GRIP1: variants seen among roughly 807,000 people sequenced by gnomAD.
GRIP1 encodes the protein glutamate receptor interacting protein 1.
Under a neutral mutation model 129.9 loss-of-function variants are expected in GRIP1, and 45 were observed. The observed-to-expected ratio is 0.35, with a 90% CI of 0.27 to 0.44. GRIP1 has a LOEUF of 0.44. Ranked by LOEUF, GRIP1 falls within the 20% of genes least tolerant of loss-of-function variation. The probability of loss-of-function intolerance (pLI) is 1.00; values close to 1 mark genes in which losing one functional copy is unlikely to be tolerated. For synonymous variants in GRIP1, 530 were observed against 520.8 expected (o/e 1.02, Z -0.24); for missense variants, 1,196 against 1,396.8 (o/e 0.86, Z 2.29).
chr12:66,737,442 C>A (rs890289896), intron 1 of GRIP1, among the ~76,000 whole-genome samples: 1 of 152,092 alleles, frequency 6.6e-6, no homozygotes, highest in South Asian at 2.1e-4. Context: ...TGCCACCATA[C>A]CCAGATAATT....
intron 1 of GRIP1, among the ~76,000 whole-genome samples, chr12:67,034,889 G>C (rs989073364): frequency 1.3e-5 from 2 of 152,166 alleles, no homozygotes; most frequent in Non-Finnish European, 2.9e-5. Flanking sequence ...ACCTTTGCCG[G>C]TTTGGGTAAT....
intron 1 of GRIP1, among the ~76,000 whole-genome samples, chr12:66,637,327 A>G (rs965319472): frequency 1.3e-5 from 2 of 152,110 alleles, no homozygotes; most frequent in African/African-American, 4.8e-5. Flanking sequence ...GGGGCTTAAC[A>G]TGGTTACCAA....
At chr12:66,797,603 T>G (rs1280603562) in intron 1 of GRIP1, among the ~76,000 whole-genome samples, 2 of 152,214 alleles carry the variant, frequency 1.3e-5, no homozygotes, top group African/African-American at 4.8e-5. Flanking sequence ...CGGTGGCATT[T>G]ATTACTATCA....
intron 1 of GRIP1, among the ~76,000 whole-genome samples, chr12:67,038,730 G>A (rs984003446): frequency 6.6e-6 from 1 of 152,172 alleles, no homozygotes; most frequent in African/African-American, 2.4e-5. Flanking sequence ...TCAGGCATCT[G>A]CCCATTCCAT....
chr12:66,605,692 G>A (rs1293112959), intron 1 of GRIP1, among the ~76,000 whole-genome samples: 1 of 152,162 alleles, frequency 6.6e-6, no homozygotes, highest in Non-Finnish European at 1.5e-5. Flanking sequence ...ACCTGGTTCA[G>A]TGGCTCACTA....
chr12:66,891,222 A>G (rs755703517), intron 1 of GRIP1, among the ~76,000 whole-genome samples: 1 of 152,288 alleles, frequency 6.6e-6, no homozygotes, highest in East Asian at 1.9e-4. Context: ...CATTTTGGAG[A>G]TAATGTCAAG....
chr12:66,589,752 A>C (rs1486558168), intron 2 of GRIP1, among the ~76,000 whole-genome samples: 4 of 152,198 alleles, frequency 2.6e-5, no homozygotes, highest in Non-Finnish European at 5.9e-5. Flanking sequence ...ATATATAACA[A>C]AAATCATGAG....
At chr12:66,719,280 GGA>G (rs1307639345) in intron 1 of GRIP1, among the ~76,000 whole-genome samples, 1 of 152,136 alleles carries the variant, frequency 6.6e-6, no homozygotes, top group East Asian at 1.9e-4. Context: ...AAATTCCCAT[GGA>G]GGAAGAATTT....
At chr12:66,437,475 G>C (rs1190933672) in intron 13 of GRIP1, among the ~76,000 whole-genome samples, 3 of 152,188 alleles carry the variant, frequency 2.0e-5, no homozygotes, top group African/African-American at 7.2e-5. Context: ...CCATCTATTT[G>C]AAGTGGGTTA....
At chr12:66,948,658 G>A (rs1208538293) in intron 1 of GRIP1, among the ~76,000 whole-genome samples, 1 of 152,130 alleles carries the variant, frequency 6.6e-6, no homozygotes, top group Non-Finnish European at 1.5e-5. Context: ...CATGAGGCAA[G>A]GAAGGACTAA....
chr12:66,922,732 T>TC (rs2041233580), intron 1 of GRIP1, among the ~76,000 whole-genome samples: 1 of 152,090 alleles, frequency 6.6e-6, no homozygotes, highest in African/African-American at 2.4e-5. Context: ...CTTTTACCCT[T>TC]CCCCCTTTTC....
intron 7 of GRIP1, among the ~76,000 whole-genome samples, chr12:66,482,013 G>A (rs540021090): frequency 6.6e-6 from 1 of 152,112 alleles, no homozygotes; most frequent in South Asian, 2.1e-4. Flanking sequence ...CAGGTTGATG[G>A]GTGCAGCAGA....
chr12:67,052,439 A>G (rs2043360842), intron 1 of GRIP1, among the ~76,000 whole-genome samples: 1 of 152,164 alleles, frequency 6.6e-6, no homozygotes, highest in Non-Finnish European at 1.5e-5. Flanking sequence ...CCCACTCTTG[A>G]CAGGTATTTT....
intron 7 of GRIP1, among the ~76,000 whole-genome samples, chr12:66,497,161 G>A (rs538548947): frequency 2.0e-4 from 30 of 152,068 alleles, no homozygotes; most frequent in East Asian, 3.9e-4. Flanking sequence ...CTGTTTCCCC[G>A]TCCCTGCCCT....
intron 1 of GRIP1, among the ~76,000 whole-genome samples, chr12:66,705,778 C>T (rs1425905883): frequency 6.6e-6 from 1 of 152,034 alleles, no homozygotes; most frequent in Non-Finnish European, 1.5e-5. Context: ...TGATCTTCTA[C>T]AAATCTGATA....
intron 1 of GRIP1, among the ~76,000 whole-genome samples, chr12:66,841,171 C>G (rs968207506): frequency 6.6e-6 from 1 of 152,102 alleles, no homozygotes; most frequent in Non-Finnish European, 1.5e-5. Flanking sequence ...AAGTGGGAAG[C>G]AAAAATGAAC....
intron 11 of GRIP1, among the ~76,000 whole-genome samples, chr12:66,452,016 G>C (rs146306056): frequency 1.3e-4 from 20 of 152,258 alleles, no homozygotes; most frequent in Middle Eastern, 6.8e-3. Flanking sequence ...CTCTCTAATA[G>C]TAGTTACTAC....
intron 1 of GRIP1, among the ~76,000 whole-genome samples, chr12:66,878,575 CTGAGGAG>C (rs1264822283): frequency 6.6e-6 from 1 of 151,946 alleles, no homozygotes; most frequent in Non-Finnish European, 1.5e-5. Flanking sequence ...GAAAGCCACA[CTGAGGAG>C]TTGGGACATA....
chr12:66,351,753 T>C (rs142574775), intron 24 of GRIP1, among the ~76,000 whole-genome samples: 6 of 152,238 alleles, frequency 3.9e-5, no homozygotes, highest in African/African-American at 7.2e-5. Flanking sequence ...CTGGTGAAGT[T>C]AGGCTTTGAA....
Sources: allele counts gnomAD v4.1 joint callset (sites outside exome capture counted in the v4.1 genomes callset), GRCh38; gene constraint gnomAD v4.1.1; transcripts MANE v1.5; gene names NCBI Gene and HGNC (gene_info 2026-07-23, HGNC 2026-07-21).